PRKAA1: variants seen among roughly 807,000 people sequenced by gnomAD.
The protein encoded by PRKAA1 is protein kinase AMP-activated catalytic subunit alpha 1, also known as 5'-AMP-activated protein kinase catalytic subunit alpha-1.
A neutral mutation model predicts 56.9 loss-of-function variants in PRKAA1; 23 were observed. The ratio of observed to expected loss-of-function variants is 0.40; its 90% CI spans 0.29 to 0.57. PRKAA1 has a LOEUF of 0.57. Ranked by LOEUF, PRKAA1 falls within the 20% of genes least tolerant of loss-of-function variation. The pLI is 0.39. For missense variants in PRKAA1, 413 were observed against 679.7 expected, an observed-to-expected ratio of 0.61 and a Z score of 4.36; for synonymous variants, 226 against 227.0, an observed-to-expected ratio of 1.00 and a Z score of 0.04.
chr5:40,762,956 C>CAACT lies in PRKAA1; in HGVS notation c.1501_1502insAGTT (p.Arg501GlnfsTer8). 1 of 1,614,076 alleles carries CAACT rather than the reference C, an allele frequency of 6.2e-7. No homozygotes were observed. Among genetic ancestry groups the CAACT allele is most frequent in the Non-Finnish European group, 8.5e-7 (1 of 1,180,010 alleles). ...ATCTGAATCACTCCTTTGGCAAGAT[C>CAACT]GATAGTTGCTAACTGATCCCGATCT... On this transcript the variant is annotated frameshift_variant, in exon 9 of 9. Coordinates refer to ENST00000397128, the MANE Select transcript of PRKAA1 (RefSeq NM_006251.6). LOFTEE classifies it high-confidence loss of function.
intron 6 of PRKAA1, among the ~76,000 whole-genome samples, chr5:40,767,084 T>G (rs1743494752): frequency 6.6e-6 from 1 of 152,186 alleles, no homozygotes; most frequent in Admixed American, 6.6e-5. Flanking sequence ...TTACCCAGGC[T>G]GGTCTCAAAC....
chr5:40,775,600 C>A, intron 2 of PRKAA1, 97 bp from the exon 3 acceptor site: 1 of 947,986 alleles, frequency 1.1e-6, no homozygotes, highest in Non-Finnish European at 1.6e-6. Flanking sequence ...AGGTACTAGG[C>A]TAGGAGCTAG....
intron 1 of PRKAA1, among the ~76,000 whole-genome samples, chr5:40,780,822 C>A (rs993792180): frequency 6.6e-6 from 1 of 152,162 alleles, no homozygotes; most frequent in African/African-American, 2.4e-5. Context: ...GGCAGATCTT[C>A]CCCACCTAGT....
intron 3 of PRKAA1, among the ~76,000 whole-genome samples, chr5:40,772,280 A>G (rs867729413): frequency 1.3e-5 from 2 of 152,224 alleles, no homozygotes; most frequent in African/African-American, 4.8e-5. Flanking sequence ...TTACACAGCA[A>G]TGAATAAAAC....
intron 1 of PRKAA1, among the ~76,000 whole-genome samples, chr5:40,786,786 C>CAAAAAAAAAAAAAAAAA (rs34749478): frequency 2.3e-5 from 1 of 43,502 alleles, no homozygotes; most frequent in Non-Finnish European, 4.0e-5. Flanking sequence ...ACTAAAAATA[C>CAAAAAAAAAAAAAAAAA]AAAAAAAAAA....
intron 6 of PRKAA1, among the ~76,000 whole-genome samples, chr5:40,765,570 T>C (rs926794436): frequency 3.3e-5 from 5 of 152,194 alleles, no homozygotes; most frequent in African/African-American, 1.2e-4. Context: ...TTCATTATAA[T>C]ACTCTTTTGA....
Position 40,771,656 on chromosome 5 carries a change from A to T in PRKAA1, c.508+63T>A. ...TACAGTTATCTGAAGAATTCTAGGT[A>T]GGTTCATTGAAACTATAAGAACATT... On this transcript the variant is annotated intron_variant, in intron 4 of 8. Coordinates refer to ENST00000397128, the MANE Select transcript of PRKAA1 (RefSeq NM_006251.6). The T allele has an allele frequency of 3.4e-6, 5 of 1,475,740 alleles. No homozygotes were observed. The South Asian group carries it at 6.3e-5, about 18-fold the overall frequency. The allele number at this position is 1,475,740 out of a possible 1,614,324, so 91.4% of individuals were successfully genotyped here. A position where few individuals can be genotyped will look rare whatever the true frequency, so the allele number is the denominator to read the frequency against.
At chr5:40,774,571 T>TTGTTTG (rs1561174693) in intron 3 of PRKAA1, among the ~76,000 whole-genome samples, 1 of 144,912 alleles carries the variant, frequency 6.9e-6, no homozygotes, top group African/African-American at 2.5e-5. Flanking sequence ...TTTTTTTTTT[T>TTGTTTG]GGTAAGGAGA....
chr5:40,797,947 G>A, intron 1 of PRKAA1, 116 bp downstream of exon 1: 1 of 1,493,240 alleles, frequency 6.7e-7, no homozygotes, highest in Non-Finnish European at 9.0e-7. Context: ...CGGGACAGGG[G>A]CTGCCCAGCC....
intron 1 of PRKAA1, 49 bp from the exon 2 acceptor site, chr5:40,777,635 A>G (rs1445721169): frequency 1.3e-6 from 2 of 1,501,452 alleles, no homozygotes; most frequent in Non-Finnish European, 1.8e-6. Context: ...GATTAATAAT[A>G]TATTTACACA....
intron 5 of PRKAA1, chr5:40,768,891 G>C: frequency 2.6e-6 from 4 of 1,563,764 alleles, no homozygotes; most frequent in Non-Finnish European, 3.5e-6. Flanking sequence ...TCTCAATGCT[G>C]GTAGTTAGTA....
At chr5:40,788,073 G>T (rs1378578850) in intron 1 of PRKAA1, among the ~76,000 whole-genome samples, 1 of 152,082 alleles carries the variant, frequency 6.6e-6, no homozygotes, top group African/African-American at 2.4e-5. Context: ...TAGACTTTAG[G>T]TCCAAAGAGA....
At chr5:40,771,600 TATACTC>T (rs1743750436) in intron 4 of PRKAA1, 113 bp downstream of exon 4, 1 of 947,706 alleles carries the variant, frequency 1.1e-6, no homozygotes, top group African/African-American at 1.7e-5. Context: ...AATACTTTGA[TATACTC>T]AGTCTATTAC....
At chr5:40,780,064 T>C (rs752950580) in intron 1 of PRKAA1, among the ~76,000 whole-genome samples, 17 of 152,172 alleles carry the variant, frequency 1.1e-4, no homozygotes, top group Non-Finnish European at 2.1e-4. Context: ...GGAGCTTTCT[T>C]ATATTTTTCA....
chr5:40,783,047 T>C lies in PRKAA1; in HGVS notation c.128-5461A>G, dbSNP rs154278. Among the ~76,000 whole-genome samples, 171 of 152,274 alleles carry C rather than the reference T, an allele frequency of 1.1e-3. 1 individual carries two copies. The East Asian group carries it at 0.028, about 25-fold the overall frequency. ...TATGATCGTATCACAGTGGCAGGAATAGAGGCAGTGCCCTGACAGCCATGC... is the reference window on the plus strand; with the variant it reads ...TATGATCGTATCACAGTGGCAGGAACAGAGGCAGTGCCCTGACAGCCATGC... On this transcript the variant is annotated intron_variant, in intron 1 of 8. Coordinates refer to ENST00000397128, the MANE Select transcript of PRKAA1 (RefSeq NM_006251.6).
At chr5:40,789,790 C>T (rs1744641448) in intron 1 of PRKAA1, among the ~76,000 whole-genome samples, 2 of 152,114 alleles carry the variant, frequency 1.3e-5, no homozygotes, top group South Asian at 2.1e-4. Flanking sequence ...AATGTTCTCA[C>T]CACAAAGAAA....
At chr5:40,771,937 T>G in intron 3 of PRKAA1, 74 bp from the exon 4 acceptor site, 1 of 1,511,862 alleles carries the variant, frequency 6.6e-7, no homozygotes, top group Non-Finnish European at 8.9e-7. Context: ...TTCTCCAACC[T>G]ATAAAATTGT....
intron 1 of PRKAA1, among the ~76,000 whole-genome samples, chr5:40,793,590 C>T (rs531019499): frequency 1.3e-5 from 2 of 152,156 alleles, no homozygotes; most frequent in African/African-American, 2.4e-5. Context: ...ATTTTTAAAG[C>T]TTTCTTTACT....
rs148482621 is a variant in PRKAA1 at position 40,764,247 on chromosome 5, C to A, written c.1435+267G>T. On this transcript the variant is annotated intron_variant, in intron 8 of 8. Transcript: ENST00000397128. ...ATGAACTACACCAAAAAAACAAATG[C>A]AGCAGAAAACTATCACCTTAGGATC... 193 of 236,104 alleles carry A rather than the reference C, an allele frequency of 8.2e-4. 1 individual carries two copies. Among genetic ancestry groups the A allele is most frequent in the African/African-American group, 3.1e-3 (138 of 44,564 alleles). The allele number at this position is 236,104 out of a possible 1,614,324, so 14.6% of individuals were successfully genotyped here.
Sources: gnomAD v4.1 joint callset for allele counts (sites outside exome capture counted in the v4.1 genomes callset) on GRCh38, gnomAD v4.1.1 for gene constraint, MANE v1.5 for transcripts, NCBI Gene and HGNC (gene_info 2026-07-23, HGNC 2026-07-21) for gene names.